NBEA: variants seen among roughly 807,000 people sequenced by gnomAD.
NBEA encodes the protein neurobeachin.
Under a neutral mutation model 343.4 loss-of-function variants are expected in NBEA, and 44 were observed. The ratio of observed to expected loss-of-function variants is 0.13; its 90% CI spans 0.10 to 0.16. The LOEUF (loss-of-function observed/expected upper bound fraction) is 0.16. NBEA is among the 10% of genes least tolerant of loss of function. The pLI, the probability that NBEA is intolerant of heterozygous loss-of-function variation, is 1.00. For missense variants in NBEA, 2,555 were observed against 3,631.3 expected, an observed-to-expected ratio of 0.70 and a Z score of 7.62; for synonymous variants, 1,175 against 1,238.7, an observed-to-expected ratio of 0.95 and a Z score of 1.08.
intron 36 of NBEA, among the ~76,000 whole-genome samples, chr13:35,343,443 A>G (rs938251379): frequency 3.3e-5 from 5 of 152,098 alleles, no homozygotes; most frequent in African/African-American, 1.2e-4. Context: ...TAGACAGTAC[A>G]TATTATTCTC....
rs182222338 is a variant in NBEA, at chr13:35,284,136, G to T, written c.5777-6253G>T. 5.3e-5 allele frequency among the ~76,000 whole-genome samples: 8 copies of T among 152,192 alleles called. No individual in the cohort carries two copies. The East Asian group carries it at 1.4e-3, about 26-fold the overall frequency. On this transcript the variant is annotated intron_variant, in intron 34 of 58. Coordinates refer to ENST00000379939, the MANE Select transcript of NBEA (RefSeq NM_001385012.1). ...TTTGTACCACATGCCAGAGTTCAGT[G>T]GTTGTGACAGAAACTTATAGCCACC...
At chr13:35,369,156 ATT>A (rs36109768) in intron 38 of NBEA, among the ~76,000 whole-genome samples, 7 of 128,278 alleles carry the variant, frequency 5.5e-5, no homozygotes, top group Admixed American at 1.6e-4. Context: ...TGCCAGCACC[ATT>A]TTTTTTTTTT....
chr13:35,623,175 T>C (rs974977181), intron 48 of NBEA, among the ~76,000 whole-genome samples: 6 of 152,178 alleles, frequency 3.9e-5, no homozygotes, highest in African/African-American at 1.4e-4. Context: ...AGTAATCAAG[T>C]ATTTCTTTAC....
chr13:35,082,769 G>A (rs1394519579), intron 10 of NBEA, among the ~76,000 whole-genome samples: 1 of 152,004 alleles, frequency 6.6e-6, no homozygotes, highest in Non-Finnish European at 1.5e-5. Flanking sequence ...GGGGTTGTTT[G>A]TTTTTTTCTT....
At chr13:35,060,507 G>A (rs2063427160) in intron 8 of NBEA, among the ~76,000 whole-genome samples, 1 of 151,884 alleles carries the variant, frequency 6.6e-6, no homozygotes, top group Admixed American at 6.6e-5. Context: ...CCTAAAGTCA[G>A]AACTTTTAAG....
intron 31 of NBEA, among the ~76,000 whole-genome samples, chr13:35,197,093 AAACATG>A (rs1454199864): frequency 6.6e-6 from 1 of 152,176 alleles, no homozygotes; most frequent in Non-Finnish European, 1.5e-5. Flanking sequence ...CACTATTTAA[AAACATG>A]TGCAAGATTA....
intron 38 of NBEA, among the ~76,000 whole-genome samples, chr13:35,390,181 C>G (rs898332454): frequency 8.6e-5 from 13 of 151,320 alleles, no homozygotes; most frequent in African/African-American, 3.2e-4. Flanking sequence ...TAAAGCAATC[C>G]CTCCCAGTGC....
intron 10 of NBEA, among the ~76,000 whole-genome samples, chr13:35,073,667 G>A (rs1280084414): frequency 1.3e-5 from 2 of 152,010 alleles, no homozygotes; most frequent in African/African-American, 4.8e-5. Flanking sequence ...TTGGCTGGGG[G>A]TGGTGGCTAA....
intron 36 of NBEA, among the ~76,000 whole-genome samples, chr13:35,342,216 A>G (rs2039625985): frequency 6.6e-6 from 1 of 152,068 alleles, no homozygotes; most frequent in Admixed American, 6.6e-5. Context: ...AATTGAAACT[A>G]ACTACTACTA....
chr13:35,550,628 C>T (rs1322567566), intron 42 of NBEA, 34 bp downstream of exon 42: 1 of 1,301,114 alleles, frequency 7.7e-7, no homozygotes, highest in African/African-American at 1.5e-5. Context: ...AGAAAATGTG[C>T]TCATATTTAC....
chr13:35,336,428 G>T (rs554340661), intron 36 of NBEA, among the ~76,000 whole-genome samples: 2 of 152,162 alleles, frequency 1.3e-5, no homozygotes, highest in South Asian at 2.1e-4. Context: ...ATTGGTGGGG[G>T]TGCAAATTAT....
In NBEA at chr13:35,070,704, T is replaced by C; in HGVS notation, c.1438-15T>C. On this transcript the variant is annotated splice_polypyrimidine_tract_variant and intron_variant, in intron 9 of 58. Coordinates refer to ENST00000379939, the MANE Select transcript of NBEA (RefSeq NM_001385012.1). ...TCTATAGAAGTTTAATAAACATTTT[T>C]GTTTTTGGACATAGGATGTGAAAGC... The C allele has an allele frequency of 6.4e-7, 1 of 1,562,470 alleles. No individual in the cohort carries two copies. Among genetic ancestry groups the C allele is most frequent in the Non-Finnish European group, 8.7e-7 (1 of 1,144,770 alleles).
chr13:35,466,624 A>G (rs766366649), intron 40 of NBEA, among the ~76,000 whole-genome samples: 1 of 152,094 alleles, frequency 6.6e-6, no homozygotes. Flanking sequence ...TGTGCTACCA[A>G]ACCCAGCTAA....
At chr13:35,058,620 T>C (rs751651611) in intron 7 of NBEA, 97 bp from the exon 8 acceptor site, 103 of 904,790 alleles carry the variant, frequency 1.1e-4, no homozygotes, top group Non-Finnish European at 1.6e-4. Flanking sequence ...ATTATTGTTA[T>C]ATTTTAAAAT....
chr13:35,008,137 C>T (rs2061374097), intron 1 of NBEA, among the ~76,000 whole-genome samples: 1 of 152,028 alleles, frequency 6.6e-6, no homozygotes, highest in Admixed American at 6.6e-5. Flanking sequence ...TGAAGTTGTG[C>T]CTGGTCTCTG....
chr13:35,534,544 C>G (rs185366710), intron 41 of NBEA, among the ~76,000 whole-genome samples: 5 of 152,338 alleles, frequency 3.3e-5, no homozygotes, highest in African/African-American at 1.2e-4. Context: ...AATCCCCATT[C>G]CAGTTCATCC....
chr13:35,542,428 G>A (rs2153006409), intron 41 of NBEA, among the ~76,000 whole-genome samples: 1 of 152,182 alleles, frequency 6.6e-6, no homozygotes, highest in Non-Finnish European at 1.5e-5. Flanking sequence ...TTTATGGAGT[G>A]ACTTGGTTCT....
At chr13:35,513,627 A>G (rs1191295466) in intron 41 of NBEA, among the ~76,000 whole-genome samples, 3 of 152,050 alleles carry the variant, frequency 2.0e-5, no homozygotes, top group Admixed American at 2.0e-4. Flanking sequence ...TATAATTTAT[A>G]TATTCCTGTA....
intron 1 of NBEA, among the ~76,000 whole-genome samples, chr13:34,954,017 C>T (rs2059421042): frequency 6.6e-6 from 1 of 152,192 alleles, no homozygotes; most frequent in Admixed American, 6.5e-5. Context: ...CCCCCTGAAC[C>T]CCCCTATTCA....
Sources: gnomAD v4.1 joint callset for allele counts (sites outside exome capture counted in the v4.1 genomes callset) on GRCh38, gnomAD v4.1.1 for gene constraint, MANE v1.5 for transcripts, NCBI Gene and HGNC (gene_info 2026-07-23, HGNC 2026-07-21) for gene names.